The following HPCAL1 variants were observed in gnomAD, a reference collection of about 807,000 sequenced individuals.
HPCAL1 encodes hippocalcin like 1.
A neutral mutation model predicts 17.1 loss-of-function variants in HPCAL1; 8 were observed. The observed-to-expected ratio is 0.47, with a 90% CI of 0.27 to 0.84. The LOEUF (loss-of-function observed/expected upper bound fraction) is 0.84, where lower values mean the gene tolerates loss of function less well. Among genes scored for constraint, HPCAL1 ranks in the 40% least tolerant of loss-of-function variants. HPCAL1 has a pLI of 0.13. For missense variants in HPCAL1, 165 were observed against 271.1 expected (o/e 0.61, Z 2.75); for synonymous variants, 112 against 111.4 (o/e 1.01, Z -0.03).
intron 1 of HPCAL1, among the ~76,000 whole-genome samples, chr2:10,329,443 A>G (rs970806039): frequency 1.3e-5 from 2 of 152,148 alleles, no homozygotes; most frequent in South Asian, 2.1e-4. Flanking sequence ...AAGAAGACGC[A>G]GAGATGAAAC....
chr2:10,381,026 G>A (rs1396167175), intron 1 of HPCAL1, among the ~76,000 whole-genome samples: 2 of 152,216 alleles, frequency 1.3e-5, no homozygotes, highest in African/African-American at 2.4e-5. Flanking sequence ...GGGAACCGCT[G>A]GGGATCTTGA....
intron 1 of HPCAL1, among the ~76,000 whole-genome samples, chr2:10,371,604 G>A (rs1667212340): frequency 6.6e-6 from 1 of 152,152 alleles, no homozygotes; most frequent in African/African-American, 2.4e-5. Context: ...TCTCCTCGAC[G>A]CCAGTCAACA....
At chr2:10,358,142 C>A (rs989973716) in intron 1 of HPCAL1, among the ~76,000 whole-genome samples, 1 of 152,228 alleles carries the variant, frequency 6.6e-6, no homozygotes, top group Non-Finnish European at 1.5e-5. Context: ...AAATCGTGGC[C>A]GATGGCTGGA....
At chr2:10,326,503 G>A (rs998998922) in intron 1 of HPCAL1, among the ~76,000 whole-genome samples, 6 of 152,174 alleles carry the variant, frequency 3.9e-5, no homozygotes, top group Non-Finnish European at 7.4e-5. Context: ...GGAATTGGCC[G>A]CCTGGGGTGC....
intron 1 of HPCAL1, among the ~76,000 whole-genome samples, chr2:10,364,680 G>C (rs988791451): frequency 6.6e-6 from 1 of 151,158 alleles, no homozygotes; most frequent in Non-Finnish European, 1.5e-5. Context: ...GACCTCCCCC[G>C]GCTCAGGTGA....
chr2:10,403,494 G>C, intron 2 of HPCAL1, among the ~76,000 whole-genome samples: 1 of 132,786 alleles, frequency 7.5e-6, no homozygotes, highest in African/African-American at 2.7e-5. Flanking sequence ...GTGTGTGTGT[G>C]TGTGTGTGTG....
At chr2:10,349,453 A>T (rs1385034218) in intron 1 of HPCAL1, among the ~76,000 whole-genome samples, 1 of 151,616 alleles carries the variant, frequency 6.6e-6, no homozygotes, top group Non-Finnish European at 1.5e-5. Context: ...CACACCTGTA[A>T]TCGCAGCACT....
intron 1 of HPCAL1, among the ~76,000 whole-genome samples, chr2:10,337,652 G>C (rs568147966): frequency 6.6e-6 from 1 of 152,284 alleles, no homozygotes; most frequent in South Asian, 2.1e-4. Context: ...TGCACAGCTG[G>C]GGATGAGGCG....
At position 10,339,888 on chromosome 2, in the gene HPCAL1, C is replaced by T. The variant is rs370364147; in HGVS notation, c.-111+36711C>T. On this transcript the variant is annotated intron_variant, in intron 1 of 4. Transcript: ENST00000307845. ...CTGTGCGTTGAGGCCTGAGCCCCTG[C>T]GTGCGCCCAGCGGAGCCAGCACTCT... Among the ~76,000 whole-genome samples, 245 of 152,292 alleles carry T rather than the reference C, an allele frequency of 1.6e-3. 1 individual carries two copies. Among genetic ancestry groups the T allele is most frequent in the African/African-American group, 5.4e-3 (223 of 41,556 alleles).
intron 1 of HPCAL1, among the ~76,000 whole-genome samples, chr2:10,352,244 C>G (rs1415132345): frequency 6.6e-6 from 1 of 152,078 alleles, no homozygotes; most frequent in Non-Finnish European, 1.5e-5. Flanking sequence ...TTCTGCCTAT[C>G]CATATACCTC....
At chr2:10,405,743 G>A (rs1669927603) in intron 2 of HPCAL1, among the ~76,000 whole-genome samples, 1 of 152,208 alleles carries the variant, frequency 6.6e-6, no homozygotes, top group South Asian at 2.1e-4. Flanking sequence ...AGCCAGGGTG[G>A]GGGCCTCGGG....
rs540335649 is a variant in HPCAL1, at chr2:10,310,817, G to A, written c.-111+7640G>A. Among the ~76,000 whole-genome samples the A allele has an allele frequency of 7.2e-5, 11 of 152,196 alleles. No homozygotes were observed. Among genetic ancestry groups the A allele is most frequent in the Admixed American group, 2.0e-4 (3 of 15,280 alleles). ...TACAGCAGTGTGTATCGACTGCAGCGCTCTTTTTCTCTAGCAGCAAAATGC... is the reference window on the plus strand; with the variant it reads ...TACAGCAGTGTGTATCGACTGCAGCACTCTTTTTCTCTAGCAGCAAAATGC... On this transcript the variant is annotated intron_variant, in intron 1 of 4. Transcript: ENST00000307845. This position sits in a 1 kb window ranked among gnomAD's most constrained non-coding sequence, Gnocchi z 4.5.
intron 1 of HPCAL1, among the ~76,000 whole-genome samples, chr2:10,389,837 C>T (rs552937509): frequency 6.6e-6 from 1 of 152,290 alleles, no homozygotes; most frequent in East Asian, 1.9e-4. Context: ...AATTGTGCAG[C>T]TCTGAGTGTT....
chr2:10,391,948 C>T (rs1328920813), intron 1 of HPCAL1, among the ~76,000 whole-genome samples: 1 of 152,088 alleles, frequency 6.6e-6, no homozygotes, highest in African/African-American at 2.4e-5. Flanking sequence ...CGGGATTTCA[C>T]CATCTTGTCC....
At chr2:10,404,337 T>A (rs1334706873) in intron 2 of HPCAL1, among the ~76,000 whole-genome samples, 1 of 152,172 alleles carries the variant, frequency 6.6e-6, no homozygotes, top group African/African-American at 2.4e-5. Flanking sequence ...GGATTCCTCC[T>A]GGAATGCCCC....
Position 10,419,790 on chromosome 2 carries a change from G to A in HPCAL1, c.33G>A (p.Glu11=). The A allele has an allele frequency of 6.2e-7, 1 of 1,613,044 alleles. No individual in the cohort carries two copies. Among genetic ancestry groups the A allele is most frequent in the South Asian group, 1.1e-5 (1 of 91,046 alleles). The part of the protein sequence containing the change: MGKQNSKLRP[E]VLQDLRENTE... Reference sequence around the variant, plus strand: ...AACAGAACAGCAAGCTGCGGCCCGAGGTGCTGCAGGACCTGCGGGAGAACA... The same window carrying A: ...AACAGAACAGCAAGCTGCGGCCCGAAGTGCTGCAGGACCTGCGGGAGAACA... The change falls in exon 3 of 5, where the codon GAG becomes GAA. Residue 11 remains glutamate (E), a synonymous_variant. Coordinates refer to ENST00000307845, the MANE Select transcript of HPCAL1 (RefSeq NM_002149.4). This position sits in a 1 kb window ranked among gnomAD's most constrained non-coding sequence, Gnocchi z 5.0.
chr2:10,385,243 A>G (rs1274558052), intron 1 of HPCAL1, among the ~76,000 whole-genome samples: 1 of 152,200 alleles, frequency 6.6e-6, no homozygotes, highest in African/African-American at 2.4e-5. Flanking sequence ...GAGGCTGAGA[A>G]TCTGACCTAA....
intron 1 of HPCAL1, among the ~76,000 whole-genome samples, chr2:10,347,303 G>T (rs1665533103): frequency 6.6e-6 from 1 of 152,174 alleles, no homozygotes; most frequent in South Asian, 2.1e-4. Context: ...ACCAGGCAGA[G>T]CCCTGTCTCA....
At position 10,354,738 on chromosome 2, in the gene HPCAL1, T is replaced by G. The variant is rs1480656940; in HGVS notation, c.-110-42097T>G. Among the ~76,000 whole-genome samples the G allele has an allele frequency of 1.3e-5, 2 of 152,250 alleles. No homozygotes were observed. Among genetic ancestry groups the G allele is most frequent in the African/African-American group, 4.8e-5 (2 of 41,468 alleles). ...TTCTTTCTGGGTTCTTGCATAGGCT[T>G]CAAGGAGGGAGGATATGGATGTGAG... On this transcript the variant is annotated intron_variant, in intron 1 of 4. Transcript: ENST00000307845. The surrounding 1 kb of genome is among the most constrained non-coding windows in gnomAD (Gnocchi z 5.1).
Sources: gnomAD v4.1 joint callset for allele counts (sites outside exome capture counted in the v4.1 genomes callset) on GRCh38, gnomAD v4.1.1 for gene constraint, Gnocchi (gnomAD v3.1) non-coding constraint, MANE v1.5 for transcripts, NCBI Gene and HGNC (gene_info 2026-07-23, HGNC 2026-07-21) for gene names.